Variants in DLG3 observed in about 807,000 individuals in gnomAD.
The protein encoded by DLG3 is discs large MAGUK scaffold protein 3.
In DLG3, 1 loss-of-function variant was observed where a neutral mutation model predicts 64.1. The observed-to-expected ratio is 0.02, with a 90% CI of 0.01 to 0.07. The LOEUF is 0.07. DLG3 is among the 10% of genes least tolerant of loss of function. The probability of loss-of-function intolerance (pLI) is 1.00; values close to 1 mark genes in which losing one functional copy is unlikely to be tolerated. For missense variants in DLG3, 429 were observed against 669.5 expected (o/e 0.64, Z 3.96); for synonymous variants, 245 against 259.8 (o/e 0.94, Z 0.55).
Position 70,450,232 on chromosome X carries a change from A to G in DLG3, c.767A>G (p.Tyr256Cys). The change falls in exon 5 of 19, where the codon TAC becomes TGC. Residue 256 changes from tyrosine to cysteine, a missense_variant. Physicochemically the swap from Tyr to Cys is radical, Grantham distance 194 (BLOSUM62 -2). Around this residue, in one of 9 missense-constraint regions of DLG3, gnomAD observed 73 missense variants for 158.5 expected, o/e 0.46. Coordinates refer to ENST00000374360, the MANE Select transcript of DLG3 (RefSeq NM_021120.4). ...CACATCCCAGGAGACAACAGCATCT[A>G]CATCACCAAGATCATTGAGGGGGGT... is the stretch of plus-strand genomic sequence containing the variant. The part of the protein sequence containing the change: ...NQHIPGDNSI[Y>C]ITKIIEGGAA... The G allele has an allele frequency of 8.3e-7, 1 of 1,209,006 alleles. No individual in the cohort carries two copies. The highest frequency in any genetic ancestry group is 1.1e-6 in the Non-Finnish European group (1 of 894,082).
chrX:70,448,443 A>G (rs2086587872), intron 1 of DLG3: 1 of 495,033 alleles, frequency 2.0e-6, no homozygotes, highest in African/African-American at 2.4e-5. Context: ...ACACAGTGGG[A>G]GTCTATGATC....
At chrX:70,448,148 T>C (rs1211019429) in intron 1 of DLG3, among the ~76,000 whole-genome samples, 1 of 112,416 alleles carries the variant, frequency 8.9e-6, no homozygotes, top group African/African-American at 3.2e-5. Context: ...ATTGGGTTCC[T>C]GGAGTCCAAG....
intron 12 of DLG3, 93 bp downstream of exon 12, chrX:70,492,689 A>G: frequency 1.2e-6 from 1 of 828,539 alleles, no homozygotes; most frequent in South Asian, 2.2e-5. Flanking sequence ...TGGGGAACAC[A>G]AAAGAAAATC....
At chrX:70,448,517 C>T in intron 1 of DLG3, 1 of 1,009,257 alleles carries the variant, frequency 9.9e-7, no homozygotes, top group Non-Finnish European at 1.4e-6. Context: ...ACTGGGTATC[C>T]CCTATGGACA....
intron 10 of DLG3, among the ~76,000 whole-genome samples, chrX:70,481,540 C>T (rs181125018): frequency 8.9e-6 from 1 of 112,076 alleles, no homozygotes; most frequent in Admixed American, 9.5e-5. Context: ...ATTTGAGAAA[C>T]CTATGTCAAC....
chrX:70,450,508 C>G, intron 5 of DLG3, 131 bp from the exon 6 acceptor site: 1 of 954,829 alleles, frequency 1.0e-6, no homozygotes, highest in Non-Finnish European at 1.5e-6. Context: ...CCTCCTGCCT[C>G]TGCTCCTCAC....
intron 13 of DLG3, chrX:70,497,119 G>A (rs2087469689): frequency 1.8e-6 from 2 of 1,114,520 alleles, no homozygotes; most frequent in Non-Finnish European, 1.2e-6. Context: ...TGAGTTTTGT[G>A]CTGCATGTGA....
intron 1 of DLG3, among the ~76,000 whole-genome samples, chrX:70,447,443 A>G (rs1285595700): frequency 8.9e-6 from 1 of 112,445 alleles, no homozygotes; most frequent in Non-Finnish European, 1.9e-5. Flanking sequence ...GTAAGGCTGT[A>G]GCTGGAGTCC....
At position 70,503,027 on chromosome X, in the gene DLG3, G is replaced by A. The variant is rs963570598; in HGVS notation, c.*758G>A. ...CACTCGCATTTGGTCATTCTCTTGA[G>A]AGCTAGGAGGGGTCAGCCTGAGGCC... On this transcript the variant is annotated 3_prime_UTR_variant, in exon 19 of 19. Transcript: ENST00000374360. 1 of 111,103 alleles carries A rather than the reference G, an allele frequency of 9.0e-6. No homozygotes were observed. The highest frequency in any genetic ancestry group is 3.3e-5 in the African/African-American group (1 of 30,442). The allele number at this position is 111,103 out of a possible 1,213,427, so 9.2% of individuals were successfully genotyped here.
At chrX:70,481,951 T>G (rs986763489) in intron 10 of DLG3, among the ~76,000 whole-genome samples, 3 of 112,174 alleles carry the variant, frequency 2.7e-5, no homozygotes, top group African/African-American at 6.5e-5. Flanking sequence ...ATCTCTTTAC[T>G]GAACTACAGA....
chrX:70,482,660 G>GTTTTTTTT lies in DLG3; in HGVS notation c.1520+3397_1520+3398insTTTTTTTT, dbSNP rs200729766. On this transcript the variant is annotated intron_variant, in intron 10 of 18. Transcript: ENST00000374360. ...TCAGGTTTGGGAAAATACATGTGTG[G>GTTTTTTTT]TGTTTTTTTTTTTTTTTTTTTTTTT... 3.1e-3 allele frequency among the ~76,000 whole-genome samples: 217 copies of GTTTTTTTT among 69,192 alleles called. 11 individuals are homozygous for GTTTTTTTT. Among genetic ancestry groups the GTTTTTTTT allele is most frequent in the Admixed American group, 0.011 (61 of 5,437 alleles). The allele number at this position is 69,192 out of a possible 115,157, so 60.1% of individuals were successfully genotyped here.
intron 9 of DLG3, chrX:70,455,123 C>T (rs2086681188): frequency 2.7e-6 from 2 of 731,979 alleles, no homozygotes; most frequent in Non-Finnish European, 3.2e-6. Flanking sequence ...GCGTCTCCTC[C>T]TCCTCCCTCC....
chrX:70,460,708 C>T (rs1027709226), intron 9 of DLG3, among the ~76,000 whole-genome samples: 1 of 111,450 alleles, frequency 9.0e-6, no homozygotes, highest in African/African-American at 3.3e-5. Context: ...TTTTAATCAC[C>T]CCTGTACGCT....
At chrX:70,501,486 T>G (rs755969342) in intron 18 of DLG3, among the ~76,000 whole-genome samples, 1 of 108,158 alleles carries the variant, frequency 9.2e-6, no homozygotes, top group Non-Finnish European at 1.9e-5. Flanking sequence ...ATGTAATACG[T>G]TCTTCACCTT....
intron 1 of DLG3, among the ~76,000 whole-genome samples, chrX:70,447,218 G>A (rs1022692879): frequency 2.1e-4 from 23 of 111,495 alleles, no homozygotes; most frequent in African/African-American, 5.5e-4. Context: ...GGGCTAGAGC[G>A]TGGACCACTG....
At chrX:70,457,880 T>TTG (rs1310619553) in intron 9 of DLG3, among the ~76,000 whole-genome samples, 2 of 106,124 alleles carry the variant, frequency 1.9e-5, no homozygotes, top group Non-Finnish European at 3.9e-5. Context: ...CTAAAACTTT[T>TTG]TGTGTGTGTG....
At chrX:70,466,795 A>G (rs1369463250) in intron 9 of DLG3, among the ~76,000 whole-genome samples, 3 of 112,052 alleles carry the variant, frequency 2.7e-5, no homozygotes, top group Non-Finnish European at 5.6e-5. Flanking sequence ...TATGTGGTCA[A>G]ATCTATTAAT....
At chrX:70,490,851 C>T (rs1030243721) in intron 10 of DLG3, among the ~76,000 whole-genome samples, 2 of 111,752 alleles carry the variant, frequency 1.8e-5, no homozygotes, top group Non-Finnish European at 3.8e-5. Context: ...ACTGAAATCA[C>T]CCATTTGTGG....
At chrX:70,467,759 G>A (rs759688875) in intron 9 of DLG3, among the ~76,000 whole-genome samples, 1 of 112,159 alleles carries the variant, frequency 8.9e-6, no homozygotes, top group African/African-American at 3.2e-5. Flanking sequence ...TGGAGAACAG[G>A]GAAAAGGTAC....
Sources: allele counts gnomAD v4.1 joint callset (sites outside exome capture counted in the v4.1 genomes callset), GRCh38; gene constraint gnomAD v4.1.1; regional missense constraint gnomAD v4.1.1; transcripts MANE v1.5; gene names NCBI Gene and HGNC (gene_info 2026-07-23, HGNC 2026-07-21).